DHX37: variants seen among roughly 807,000 people sequenced by gnomAD.
DHX37 encodes DEAH-box helicase 37.
In DHX37, 52 loss-of-function variants were observed where a neutral mutation model predicts 134.3. That is an observed-to-expected ratio of 0.39 (90% CI 0.31 to 0.49). The LOEUF (loss-of-function observed/expected upper bound fraction) is 0.49. Ranked by LOEUF, DHX37 falls within the 20% of genes least tolerant of loss-of-function variation. The probability of loss-of-function intolerance (pLI) is 0.93; values close to 1 mark genes in which losing one functional copy is unlikely to be tolerated. For missense variants in DHX37, 1,344 were observed against 1,580.8 expected, an observed-to-expected ratio of 0.85 and a Z score of 2.54; for synonymous variants, 634 against 670.7, an observed-to-expected ratio of 0.95 and a Z score of 0.85.
rs1216537913 is a variant in DHX37 at position 124,980,440 on chromosome 12, C to T, written c.738+50G>A. On this transcript the variant is annotated intron_variant, in intron 4 of 26. Transcript: ENST00000308736. The surrounding 1 kb of genome is among the most constrained non-coding windows in gnomAD (Gnocchi z 5.3). ...ACTTCACCAGGACGCCCTCTGTGCG[C>T]CCCTTGCCCGCTAACCTAGATTCTT... 1 of 1,585,414 alleles carries T rather than the reference C, an allele frequency of 6.3e-7. No homozygotes were observed. Among genetic ancestry groups the T allele is most frequent in the Admixed American group, 1.9e-5 (1 of 53,926 alleles).
chr12:124,957,051 G>A lies in DHX37; in HGVS notation c.2242C>T (p.Gln748Ter). 1.3e-6 allele frequency: 2 copies of A among 1,515,236 alleles called. No individual in the cohort carries two copies. Among genetic ancestry groups the A allele is most frequent in the Non-Finnish European group, 1.8e-6 (2 of 1,135,980 alleles). 93.9% of individuals were successfully genotyped at this position (1,515,236 alleles called of 1,614,324 possible). A position where few individuals can be genotyped will look rare whatever the true frequency, so the allele number is the denominator to read the frequency against. The change falls in exon 17 of 27, where the codon CAA becomes TAA. Residue 748 changes from glutamine to a stop codon, truncating the protein, a stop_gained. Coordinates refer to ENST00000308736, the MANE Select transcript of DHX37 (RefSeq NM_032656.4). LOFTEE classifies it high-confidence loss of function. ...EELLIALGAL[Q>*]PPQKAERVKQ... ...TACCTTTCTGCTTTCTGGGGCGGTT[G>A]CAGGGCACCCAGTGCGATCAACAGC...
chr12:124,959,364 C>T (rs943863591), intron 16 of DHX37, among the ~76,000 whole-genome samples: 1 of 150,390 alleles, frequency 6.6e-6, no homozygotes, highest in Non-Finnish European at 1.5e-5. Context: ...TGAGCCACCA[C>T]GCCCAGCCTC....
intron 8 of DHX37, among the ~76,000 whole-genome samples, chr12:124,969,743 G>A (rs1239601044): frequency 6.6e-6 from 1 of 152,034 alleles, no homozygotes; most frequent in Non-Finnish European, 1.5e-5. Context: ...GAAGTACCAT[G>A]GAATTCTGCA....
chr12:124,950,862 T>C (rs1194492062), intron 21 of DHX37, 58 bp from the exon 22 acceptor site: 3 of 1,512,808 alleles, frequency 2.0e-6, no homozygotes, highest in Non-Finnish European at 2.6e-6. Flanking sequence ...GGGCTCCGCA[T>C]ACTTTCAACC....
At position 124,980,770 on chromosome 12, in the gene DHX37, C is replaced by G; in HGVS notation, c.458G>C (p.Arg153Pro). ...ISSLSGAHRK[R>P]RRWPSAEEEE... ...CTCCTCAGCTGAGGGCCAGCGGCGACGCTTCCGGTGGGCACCGCTGAGGCT... is the reference window on the plus strand; with the variant it reads ...CTCCTCAGCTGAGGGCCAGCGGCGAGGCTTCCGGTGGGCACCGCTGAGGCT... The change falls in exon 4 of 27, where the codon CGT becomes CCT. Residue 153 changes from arginine to proline, a missense_variant. By Grantham distance (103) the Arg-to-Pro change is moderately radical (BLOSUM62 -2). This residue lies in a region of DHX37 where 319 missense variants were observed against 296.1 expected (regional missense o/e 1.08). Transcript: ENST00000308736. This position sits in a 1 kb window ranked among gnomAD's most constrained non-coding sequence, Gnocchi z 5.3. 1 of 1,557,034 alleles carries G rather than the reference C, an allele frequency of 6.4e-7. No homozygotes were observed. The highest frequency in any genetic ancestry group is 1.2e-5 in the South Asian group (1 of 85,796).
At chr12:124,964,850 GA>G in intron 14 of DHX37, 79 bp downstream of exon 14, 2 of 1,477,094 alleles carry the variant, frequency 1.4e-6, no homozygotes, top group Non-Finnish European at 1.8e-6. Context: ...AGATGGAGAG[GA>G]CCACCAAGGG....
At chr12:124,959,002 CAGGTTCCAG>C (rs1954166051) in intron 16 of DHX37, among the ~76,000 whole-genome samples, 1 of 148,000 alleles carries the variant, frequency 6.8e-6, no homozygotes, top group African/African-American at 2.6e-5. Flanking sequence ...CTCTGCCTCC[CAGGTTCCAG>C]TGATTCTCCT....
intron 2 of DHX37, among the ~76,000 whole-genome samples, chr12:124,985,475 G>A (rs1344633233): frequency 3.3e-5 from 5 of 151,298 alleles, no homozygotes; most frequent in South Asian, 2.1e-4. Context: ...GGTGGTTCAC[G>A]CCTGTAATCC....
rs533201413 is a variant in DHX37, at chr12:124,963,643, G to T, written c.2045+751C>A. Among the ~76,000 whole-genome samples, 11 of 151,818 alleles carry T rather than the reference G, an allele frequency of 7.2e-5. No homozygotes were observed. In the South Asian group the frequency reaches 1.9e-3, roughly 26 times the overall value. Reference sequence around the variant, plus strand: ...CCAACACTTTGGGAGGCCGAGGCGGGTGGATCACGAGGTCAGGAGATCGAG... The same window carrying T: ...CCAACACTTTGGGAGGCCGAGGCGGTTGGATCACGAGGTCAGGAGATCGAG... On this transcript the variant is annotated intron_variant, in intron 15 of 26. Transcript: ENST00000308736.
At chr12:124,988,666 TG>T (rs1954920276) in intron 1 of DHX37, among the ~76,000 whole-genome samples, 1 of 152,006 alleles carries the variant, frequency 6.6e-6, no homozygotes, top group South Asian at 2.1e-4. Context: ...GAACTACTCC[TG>T]TTTTTTTTGC....
At chr12:124,959,865 G>A (rs575984950) in intron 16 of DHX37, among the ~76,000 whole-genome samples, 1 of 152,324 alleles carries the variant, frequency 6.6e-6, no homozygotes, top group Non-Finnish European at 1.5e-5. Context: ...TTCCTCATCA[G>A]TTAAATGGGG....
intron 5 of DHX37, among the ~76,000 whole-genome samples, chr12:124,975,814 G>A (rs983034471): frequency 6.6e-6 from 1 of 152,176 alleles, no homozygotes. Flanking sequence ...TCCAGACACA[G>A]GAACCCGCCA....
chr12:124,974,376 G>A (rs988427523), intron 6 of DHX37, among the ~76,000 whole-genome samples: 1 of 151,940 alleles, frequency 6.6e-6, no homozygotes, highest in African/African-American at 2.4e-5. Flanking sequence ...GGTCAGTGGT[G>A]GCTGCTCCTG....
At chr12:124,965,142 G>T in intron 13 of DHX37, 136 bp from the exon 14 acceptor site, 1 of 997,486 alleles carries the variant, frequency 1.0e-6, no homozygotes, top group Non-Finnish European at 1.5e-6. Flanking sequence ...GGCTCCCCTT[G>T]GGACCAGCCA....
chr12:124,965,021 G>A lies in DHX37; in HGVS notation c.1736-15C>T. The A allele has an allele frequency of 1.3e-6, 2 of 1,587,082 alleles. No individual in the cohort carries two copies. Among genetic ancestry groups the A allele is most frequent in the Non-Finnish European group, 1.7e-6 (2 of 1,168,458 alleles). Reference sequence around the variant, plus strand: ...CGGCTGCTCACCTGGAGGGAAAGCAGAGGTCACTGGCACCCAGGCCGGGAC... The same window carrying A: ...CGGCTGCTCACCTGGAGGGAAAGCAAAGGTCACTGGCACCCAGGCCGGGAC... On this transcript the variant is annotated splice_polypyrimidine_tract_variant and intron_variant, in intron 13 of 26. Coordinates refer to ENST00000308736, the MANE Select transcript of DHX37 (RefSeq NM_032656.4).
chr12:124,987,611 C>T (rs1954900553), intron 1 of DHX37, among the ~76,000 whole-genome samples: 1 of 152,210 alleles, frequency 6.6e-6, no homozygotes, highest in Admixed American at 6.5e-5. Flanking sequence ...ACACACCCCA[C>T]CTCTGTAACC....
chr12:124,958,166 T>C (rs1243992079), intron 16 of DHX37, among the ~76,000 whole-genome samples: 1 of 152,204 alleles, frequency 6.6e-6, no homozygotes, highest in Non-Finnish European at 1.5e-5. Flanking sequence ...CCGCACAACT[T>C]TGTGAACACA....
intron 1 of DHX37, among the ~76,000 whole-genome samples, chr12:124,987,899 G>A (rs923676272): frequency 6.6e-6 from 1 of 151,688 alleles, no homozygotes; most frequent in African/African-American, 2.4e-5. Flanking sequence ...GCTGCTCAAC[G>A]TGTGCTACTG....
In DHX37 at chr12:124,971,226, A is replaced by G. The variant is rs573643825; in HGVS notation, c.1191+76T>C. ...CCCAGGGTACAACGGGGAACAGGTG[A>G]AGGAAGCCCAAGCCTCTGACAGAGC... On this transcript the variant is annotated intron_variant, in intron 8 of 26. Coordinates refer to ENST00000308736, the MANE Select transcript of DHX37 (RefSeq NM_032656.4). 10 of 1,553,250 alleles carry G rather than the reference A, an allele frequency of 6.4e-6. No homozygotes were observed. In the South Asian group the frequency reaches 1.2e-4, roughly 18 times the overall value.
Sources: allele counts gnomAD v4.1 joint callset (sites outside exome capture counted in the v4.1 genomes callset), GRCh38; gene constraint gnomAD v4.1.1; regional missense constraint gnomAD v4.1.1; non-coding constraint Gnocchi (gnomAD v3.1); transcripts MANE v1.5; gene names NCBI Gene and HGNC (gene_info 2026-07-23, HGNC 2026-07-21).